The following THRB variants were observed in gnomAD, a reference collection of about 807,000 sequenced individuals.
THRB encodes the protein thyroid hormone receptor beta.
THRB carries 12 observed loss-of-function variants against 47.8 expected under a neutral mutation model. That is an observed-to-expected ratio of 0.25 (90% CI 0.16 to 0.41). The LOEUF (loss-of-function observed/expected upper bound fraction) is 0.41. THRB is among the 10% of genes least tolerant of loss of function. THRB has a pLI of 1.00. For missense variants in THRB, 348 were observed against 589.2 expected, an observed-to-expected ratio of 0.59 and a Z score of 4.24; for synonymous variants, 218 against 212.2, an observed-to-expected ratio of 1.03 and a Z score of -0.24.
At chr3:24,288,980 G>A (rs1237524423) in intron 3 of THRB, among the ~76,000 whole-genome samples, 1 of 152,214 alleles carries the variant, frequency 6.6e-6, no homozygotes, top group Non-Finnish European at 1.5e-5. Flanking sequence ...AACACTGAAA[G>A]AAGTGACTTG....
At chr3:24,442,947 C>G (rs2071690331) in intron 1 of THRB, among the ~76,000 whole-genome samples, 1 of 152,058 alleles carries the variant, frequency 6.6e-6, no homozygotes, top group Non-Finnish European at 1.5e-5. Flanking sequence ...TTCTGGGAGG[C>G]CGAGGCGGGT....
chr3:24,470,240 A>G (rs1183438242), intron 1 of THRB, among the ~76,000 whole-genome samples: 4 of 152,366 alleles, frequency 2.6e-5, no homozygotes, highest in African/African-American at 9.6e-5. Flanking sequence ...ACAATTTATG[A>G]GAAACAAATT....
At chr3:24,415,493 T>C (rs2068661526) in intron 1 of THRB, among the ~76,000 whole-genome samples, 1 of 151,894 alleles carries the variant, frequency 6.6e-6, no homozygotes, top group Non-Finnish European at 1.5e-5. Flanking sequence ...AAGTTAACTG[T>C]TTCTGCCTAG....
intron 4 of THRB, among the ~76,000 whole-genome samples, chr3:24,225,009 A>T (rs1397240209): frequency 6.6e-6 from 1 of 152,216 alleles, no homozygotes. Context: ...TCCATAACAC[A>T]TAAACAGGTT....
chr3:24,477,462 A>T (rs897188553), intron 1 of THRB, among the ~76,000 whole-genome samples: 19 of 152,120 alleles, frequency 1.2e-4, no homozygotes, highest in African/African-American at 4.6e-4. Context: ...CCTTGTTTAA[A>T]TGCAGATCCC....
At chr3:24,476,714 A>T (rs77535938) in intron 1 of THRB, among the ~76,000 whole-genome samples, 3,503 of 152,280 alleles carry the variant, frequency 0.023, 149 homozygotes, top group African/African-American at 0.078. Context: ...TTTCTCTTGA[A>T]TTAAGATGAG....
chr3:24,188,809 AT>A (rs2042942954), intron 5 of THRB, among the ~76,000 whole-genome samples: 1 of 139,526 alleles, frequency 7.2e-6, no homozygotes, highest in African/African-American at 2.8e-5. Flanking sequence ...GAAAAACTTT[AT>A]TTTGCTTTTT....
chr3:24,280,038 C>T (rs2054383078), intron 3 of THRB, among the ~76,000 whole-genome samples: 1 of 152,198 alleles, frequency 6.6e-6, no homozygotes. Context: ...GTTACAAACA[C>T]TTGGCTGCCT....
chr3:24,335,899 G>T (rs573495556), intron 2 of THRB, among the ~76,000 whole-genome samples: 1 of 152,208 alleles, frequency 6.6e-6, no homozygotes, highest in Non-Finnish European at 1.5e-5. Context: ...GGGAATGGAA[G>T]ACCTCTGAGG....
At chr3:24,199,122 A>G (rs139305621) in intron 4 of THRB, among the ~76,000 whole-genome samples, 14 of 152,316 alleles carry the variant, frequency 9.2e-5, no homozygotes, top group East Asian at 7.7e-4. Flanking sequence ...AGTACTTTTC[A>G]TACATTATTT....
chr3:24,191,907 C>G (rs1186858528), intron 4 of THRB, among the ~76,000 whole-genome samples: 1 of 152,146 alleles, frequency 6.6e-6, no homozygotes, highest in African/African-American at 2.4e-5. Flanking sequence ...CAATAAGTCT[C>G]CTTTTAAAAA....
intron 1 of THRB, chr3:24,431,014 T>C (rs987546024): frequency 2.6e-5 from 4 of 152,062 alleles, no homozygotes; most frequent in African/African-American, 9.7e-5. Context: ...GAAAATGCAG[T>C]CAGAATGAAG....
intron 2 of THRB, chr3:24,318,415 A>G (rs1375799834): frequency 6.6e-6 from 1 of 151,906 alleles, no homozygotes; most frequent in Admixed American, 6.6e-5. Context: ...TCGTTGTAAC[A>G]CTCACTCAGG....
At chr3:24,135,350 A>G (rs573754129) in intron 8 of THRB, among the ~76,000 whole-genome samples, 1 of 152,342 alleles carries the variant, frequency 6.6e-6, no homozygotes, top group African/African-American at 2.4e-5. Flanking sequence ...ATTAATACAT[A>G]ACAAATGCTG....
At chr3:24,370,156 G>A (rs1048468298) in intron 1 of THRB, among the ~76,000 whole-genome samples, 1 of 152,024 alleles carries the variant, frequency 6.6e-6, no homozygotes, top group Non-Finnish European at 1.5e-5. Flanking sequence ...TTAGAACGGG[G>A]CATTATAATA....
intron 3 of THRB, among the ~76,000 whole-genome samples, chr3:24,258,412 G>A (rs1223703641): frequency 6.6e-6 from 1 of 152,158 alleles, no homozygotes; most frequent in Non-Finnish European, 1.5e-5. Flanking sequence ...TTCAGCTTAT[G>A]TTTTCTCCCA....
intron 4 of THRB, among the ~76,000 whole-genome samples, chr3:24,219,186 A>C (rs2046916944): frequency 6.6e-6 from 1 of 152,176 alleles, no homozygotes; most frequent in Non-Finnish European, 1.5e-5. Context: ...CTAAGATGGG[A>C]GGATTAACTG....
chr3:24,229,813 TGG>T (rs1357706184), intron 3 of THRB, among the ~76,000 whole-genome samples: 1 of 152,100 alleles, frequency 6.6e-6, no homozygotes, highest in Admixed American at 6.6e-5. Context: ...CTGTGGCCAG[TGG>T]TAGATGGTGG....
chr3:24,247,611 C>G (rs190262939), intron 3 of THRB, among the ~76,000 whole-genome samples: 3 of 152,142 alleles, frequency 2.0e-5, no homozygotes. Context: ...TGCCTTTTTA[C>G]ACTGTATTTT....
Sources: gnomAD v4.1 joint callset for allele counts (sites outside exome capture counted in the v4.1 genomes callset) on GRCh38, gnomAD v4.1.1 for gene constraint, MANE v1.5 for transcripts, NCBI Gene and HGNC (gene_info 2026-07-23, HGNC 2026-07-21) for gene names.